The following ZFHX3 variants were observed in gnomAD, a reference collection of about 807,000 sequenced individuals.
ZFHX3 encodes zinc finger homeobox 3, also known as zinc finger homeobox protein 3.
Under a neutral mutation model 279.1 loss-of-function variants are expected in ZFHX3, and 42 were observed. The observed-to-expected ratio is 0.15, with a 90% CI of 0.12 to 0.19. The LOEUF is 0.19. ZFHX3 is among the 10% of genes least tolerant of loss of function. The pLI is 1.00. For synonymous variants in ZFHX3, 2,293 were observed against 1,957.8 expected, an observed-to-expected ratio of 1.17 and a Z score of -4.52; for missense variants, 4,981 against 4,754.0, an observed-to-expected ratio of 1.05 and a Z score of -1.40.
chr16:73,172,575 G>T (rs1967554205), intron 5 of ZFHX3, among the ~76,000 whole-genome samples: 2 of 152,230 alleles, frequency 1.3e-5, no homozygotes. Flanking sequence ...CGTAGGCCGT[G>T]TTCAAGATGG....
At chr16:73,821,376 A>G (rs1397739730) in intron 1 of ZFHX3, among the ~76,000 whole-genome samples, 1 of 152,228 alleles carries the variant, frequency 6.6e-6, no homozygotes, top group Non-Finnish European at 1.5e-5. Flanking sequence ...CTAAAGGGGC[A>G]CTGGAATCAG....
At position 72,889,803 on chromosome 16, in the gene ZFHX3, TCTGCAGCCG is replaced by T. The variant is rs2144073875; in HGVS notation, c.3367_3375del (p.Arg1123_Gln1125del). 6.2e-7 allele frequency: 1 copy of T among 1,613,778 alleles called. No individual in the cohort carries two copies. The highest frequency in any genetic ancestry group is 8.5e-7 in the Non-Finnish European group (1 of 1,180,044). On this transcript the variant is annotated inframe_deletion, in exon 4 of 10. Coordinates refer to ENST00000268489, the MANE Select transcript of ZFHX3 (RefSeq NM_006885.4). The stretch of plus-strand genomic sequence containing the variant: ...TCCTCGTCCTCCTCTGGAAGGCCCT[TCTGCAGCCG>T]CTGCAGCTTTCGCAGGCTCTCGCTT...
At chr16:72,925,174 C>CT (rs1475479021) in intron 3 of ZFHX3, among the ~76,000 whole-genome samples, 2 of 152,192 alleles carry the variant, frequency 1.3e-5, no homozygotes, top group Admixed American at 1.3e-4. Context: ...GTGGAGTTAA[C>CT]ACAAAGCCAT....
chr16:73,305,864 G>A (rs764081979), intron 4 of ZFHX3, among the ~76,000 whole-genome samples: 5 of 152,114 alleles, frequency 3.3e-5, no homozygotes, highest in African/African-American at 7.2e-5. Context: ...CAGCATCCTG[G>A]CAGGAAAAGC....
intron 5 of ZFHX3, among the ~76,000 whole-genome samples, chr16:73,180,680 T>G (rs911058414): frequency 1.3e-5 from 2 of 152,084 alleles, no homozygotes; most frequent in Admixed American, 1.3e-4. Context: ...TTTTTTTTTT[T>G]GAGACAGAAT....
chr16:72,930,775 T>C (rs1415165044), intron 3 of ZFHX3, among the ~76,000 whole-genome samples: 1 of 152,206 alleles, frequency 6.6e-6, no homozygotes, highest in Non-Finnish European at 1.5e-5. Flanking sequence ...ATTACGGTTC[T>C]GGTAAGAATA....
At chr16:73,317,252 G>A (rs947263717) in intron 4 of ZFHX3, among the ~76,000 whole-genome samples, 20 of 136,106 alleles carry the variant, frequency 1.5e-4, no homozygotes, top group Non-Finnish European at 2.6e-4. Context: ...TTCCAGGGCC[G>A]CTTTCCCTTT....
chr16:72,937,517 G>T (rs1191660266), intron 3 of ZFHX3, among the ~76,000 whole-genome samples: 1 of 152,220 alleles, frequency 6.6e-6, no homozygotes, highest in African/African-American at 2.4e-5. Flanking sequence ...GGGACATGGT[G>T]AGTCAACTCC....
intron 1 of ZFHX3, among the ~76,000 whole-genome samples, chr16:72,996,058 A>T (rs1324253165): frequency 6.6e-6 from 1 of 151,990 alleles, no homozygotes; most frequent in African/African-American, 2.4e-5. Flanking sequence ...ACCTGAGGTC[A>T]GGAGTTCCAG....
intron 2 of ZFHX3, among the ~76,000 whole-genome samples, chr16:73,561,456 C>A (rs1299190958): frequency 2.0e-5 from 3 of 152,184 alleles, no homozygotes; most frequent in Non-Finnish European, 4.4e-5. Context: ...TAAATACTTA[C>A]ATATCAAATT....
chr16:73,853,210 C>T (rs544669462), intron 1 of ZFHX3, among the ~76,000 whole-genome samples: 6 of 152,316 alleles, frequency 3.9e-5, no homozygotes, highest in Non-Finnish European at 7.4e-5. Flanking sequence ...CAAAGGAACA[C>T]TTACACATTG....
intron 2 of ZFHX3, among the ~76,000 whole-genome samples, chr16:73,551,227 G>A (rs561954764): frequency 2.0e-5 from 3 of 152,192 alleles, no homozygotes; most frequent in South Asian, 4.2e-4. Context: ...GATATTGCAT[G>A]AGAAGGGAAA....
chr16:72,826,220 C>A (rs2036924077), intron 5 of ZFHX3, among the ~76,000 whole-genome samples: 1 of 152,160 alleles, frequency 6.6e-6, no homozygotes, highest in Non-Finnish European at 1.5e-5. Flanking sequence ...AAAAAGGAAA[C>A]CAGGAGGCCC....
rs187531996 is a variant in ZFHX3, at chr16:73,110,275, T to G, written c.-896-16677A>C. On this transcript the variant is annotated intron_variant, in intron 7 of 17. Coordinates refer to the ZFHX3 transcript ENST00000641206. Reference sequence around the variant, plus strand: ...AATCCTTATACATTTTCTCATGTACTTGTGCAAGTATCTCAGTAAGATACA... The same window carrying G: ...AATCCTTATACATTTTCTCATGTACGTGTGCAAGTATCTCAGTAAGATACA... Among the ~76,000 whole-genome samples the G allele has an allele frequency of 6.8e-3, 1,035 of 152,272 alleles. 8 individuals are homozygous for G. The highest frequency in any genetic ancestry group is 9.1e-3 in the Non-Finnish European group (616 of 68,022).
intron 4 of ZFHX3, among the ~76,000 whole-genome samples, chr16:73,290,854 T>C (rs1267948899): frequency 9.2e-5 from 14 of 152,228 alleles, no homozygotes; most frequent in Non-Finnish European, 5.9e-5. Flanking sequence ...CCTTGGTTAG[T>C]GGGATAAATT....
exon 8 of ZFHX3, chr16:73,093,239 C>G (rs779902179): frequency 5.8e-6 from 3 of 514,806 alleles, no homozygotes; most frequent in Non-Finnish European, 1.2e-5. Flanking sequence ...TCCTACCTGG[C>G]GTTGACTTCC....
At chr16:72,904,416 A>G (rs1461024113) in intron 3 of ZFHX3, among the ~76,000 whole-genome samples, 1 of 150,272 alleles carries the variant, frequency 6.7e-6, no homozygotes, top group Non-Finnish European at 1.5e-5. Flanking sequence ...ATAAATAAAT[A>G]AATAAAAATT....
intron 3 of ZFHX3, among the ~76,000 whole-genome samples, chr16:73,455,747 C>A (rs1468120508): frequency 7.3e-6 from 1 of 137,322 alleles, no homozygotes; most frequent in African/African-American, 2.7e-5. Flanking sequence ...TTTTTTTTAA[C>A]TTCAAAGCTT....
intron 2 of ZFHX3, among the ~76,000 whole-genome samples, chr16:73,520,650 G>T (rs1000329670): frequency 1.3e-5 from 2 of 152,136 alleles, no homozygotes; most frequent in Admixed American, 6.6e-5. Context: ...TGTCTAGCAA[G>T]CATACATAGT....
Sources: gnomAD v4.1 joint callset for allele counts (sites outside exome capture counted in the v4.1 genomes callset) on GRCh38, gnomAD v4.1.1 for gene constraint, MANE v1.5 for transcripts, NCBI Gene and HGNC (gene_info 2026-07-23, HGNC 2026-07-21) for gene names.